The following DPYD variants were observed in gnomAD, a reference collection of about 807,000 sequenced individuals.
DPYD encodes dihydropyrimidine dehydrogenase [NADP(+)].
A neutral mutation model predicts 116.2 loss-of-function variants in DPYD; 109 were observed. The ratio of observed to expected loss-of-function variants is 0.94; its 90% CI spans 0.80 to 1.10. DPYD has a LOEUF of 1.10. Among genes scored for constraint, DPYD ranks in the 50% least tolerant of loss-of-function variants. The pLI is 0.00. For missense variants in DPYD, 1,302 were observed against 1,254.5 expected (o/e 1.04, Z -0.57); for synonymous variants, 440 against 432.0 (o/e 1.02, Z -0.23).
intron 20 of DPYD, among the ~76,000 whole-genome samples, chr1:97,126,942 T>G (rs1378290948): frequency 6.6e-6 from 1 of 152,196 alleles, no homozygotes. Flanking sequence ...TCAACAAATA[T>G]TTTTGAGTTG....
chr1:97,477,679 G>T (rs949299911), intron 13 of DPYD, among the ~76,000 whole-genome samples: 4 of 148,582 alleles, frequency 2.7e-5, no homozygotes, highest in South Asian at 2.1e-4. Context: ...GGACTGCAGT[G>T]GCGCAATCTC....
chr1:97,172,746 C>T (rs749538982), intron 20 of DPYD, among the ~76,000 whole-genome samples: 2 of 152,088 alleles, frequency 1.3e-5, no homozygotes, highest in African/African-American at 4.8e-5. Flanking sequence ...TGTGCCCTAT[C>T]GGGAGAAGGA....
intron 20 of DPYD, among the ~76,000 whole-genome samples, chr1:97,152,981 A>G (rs1178281581): frequency 1.3e-5 from 2 of 152,130 alleles, no homozygotes; most frequent in Non-Finnish European, 2.9e-5. Flanking sequence ...ACTTAAAAAC[A>G]CTAGAGGAGT....
chr1:97,350,254 T>G (rs1423235549), intron 16 of DPYD, among the ~76,000 whole-genome samples: 1 of 152,154 alleles, frequency 6.6e-6, no homozygotes, highest in Admixed American at 6.6e-5. Context: ...GAGGAACATA[T>G]TAAATACTCA....
In DPYD at chr1:97,765,242, G is replaced by T. The variant is rs968653872; in HGVS notation, c.234-24763C>A. Among the ~76,000 whole-genome samples, 3 of 152,112 alleles carry T rather than the reference G, an allele frequency of 2.0e-5. No individual in the cohort carries two copies. In the South Asian group the frequency reaches 6.2e-4, roughly 31 times the overall value. The stretch of plus-strand genomic sequence containing the variant: ...GTGGGAGTTGTTTATAGAGTTTTGG[G>T]GAAGGAAATGCTTTTCTATTTTATG... On this transcript the variant is annotated intron_variant, in intron 3 of 22. Transcript: ENST00000370192.
At chr1:97,088,406 G>T (rs1649670339) in intron 21 of DPYD, among the ~76,000 whole-genome samples, 1 of 152,092 alleles carries the variant, frequency 6.6e-6, no homozygotes, top group African/African-American at 2.4e-5. Flanking sequence ...CTCATTACTT[G>T]TCTCTCTTTT....
At chr1:97,506,298 T>C (rs1647326417) in intron 13 of DPYD, among the ~76,000 whole-genome samples, 1 of 151,700 alleles carries the variant, frequency 6.6e-6, no homozygotes, top group Non-Finnish European at 1.5e-5. Context: ...ATAAAGAAAA[T>C]ACAAAGGCAA....
At chr1:97,699,608 T>G in intron 5 of DPYD, 61 bp from the exon 6 acceptor site, 1 of 1,495,926 alleles carries the variant, frequency 6.7e-7, no homozygotes, top group African/African-American at 1.4e-5. Context: ...CTCAAACATA[T>G]TTTTAATGTT....
intron 14 of DPYD, among the ~76,000 whole-genome samples, chr1:97,423,208 C>A (rs1674678505): frequency 6.6e-6 from 1 of 152,094 alleles, no homozygotes; most frequent in South Asian, 2.1e-4. Flanking sequence ...AATGCTCCAG[C>A]TCTCCTATGC....
chr1:97,384,792 A>G (rs1672221466), intron 14 of DPYD, among the ~76,000 whole-genome samples: 2 of 152,156 alleles, frequency 1.3e-5, no homozygotes, highest in African/African-American at 4.8e-5. Flanking sequence ...AAATTCGCAG[A>G]CCATTAGTCA....
intron 5 of DPYD, chr1:97,720,461 G>T: frequency 2.0e-6 from 2 of 991,126 alleles, no homozygotes; most frequent in Non-Finnish European, 2.4e-6. Context: ...TTTTGAATTT[G>T]GTAAGAAAAG....
chr1:97,504,055 C>A (rs1057148711), intron 13 of DPYD, among the ~76,000 whole-genome samples: 2 of 151,818 alleles, frequency 1.3e-5, no homozygotes, highest in Admixed American at 1.3e-4. Flanking sequence ...AATATGGAAA[C>A]AAAATGTTAA....
At chr1:97,801,335 G>A (rs1324823056) in intron 3 of DPYD, among the ~76,000 whole-genome samples, 4 of 151,688 alleles carry the variant, frequency 2.6e-5, no homozygotes, top group East Asian at 1.9e-4. Flanking sequence ...TTGTTTAAGC[G>A]ATCCATTGAT....
intron 8 of DPYD, among the ~76,000 whole-genome samples, chr1:97,612,423 T>TG (rs1038489531): frequency 2.6e-5 from 4 of 152,060 alleles, no homozygotes; most frequent in African/African-American, 4.8e-5. Flanking sequence ...ACTTTACATA[T>TG]GGCTATCCAC....
intron 15 of DPYD, among the ~76,000 whole-genome samples, chr1:97,376,500 T>C (rs1356000659): frequency 6.6e-6 from 1 of 152,026 alleles, no homozygotes; most frequent in Admixed American, 6.6e-5. Context: ...AAACAGACAA[T>C]GCTGTTCAAG....
At chr1:97,861,208 G>A (rs1671099093) in intron 2 of DPYD, among the ~76,000 whole-genome samples, 1 of 151,868 alleles carries the variant, frequency 6.6e-6, no homozygotes, top group Non-Finnish European at 1.5e-5. Context: ...ATGGATAGTG[G>A]ATATCTTAAA....
At chr1:97,833,194 C>A (rs1232172144) in intron 2 of DPYD, among the ~76,000 whole-genome samples, 2 of 151,628 alleles carry the variant, frequency 1.3e-5, no homozygotes, top group African/African-American at 4.8e-5. Context: ...TGAAAAGTCA[C>A]AAAGAGTTAA....
chr1:97,399,908 A>G (rs547878702), intron 14 of DPYD, among the ~76,000 whole-genome samples: 42 of 152,276 alleles, frequency 2.8e-4, no homozygotes, highest in Middle Eastern at 6.8e-3. Context: ...GGACAATTTG[A>G]CTTACTCTTT....
chr1:97,894,030 T>C (rs1248536669), intron 1 of DPYD, among the ~76,000 whole-genome samples: 1 of 151,856 alleles, frequency 6.6e-6, no homozygotes, highest in African/African-American at 2.4e-5. Flanking sequence ...TTCAGGCTTT[T>C]ATAACAGAAT....
Sources: allele counts gnomAD v4.1 joint callset (sites outside exome capture counted in the v4.1 genomes callset), GRCh38; gene constraint gnomAD v4.1.1; transcripts MANE v1.5; gene names NCBI Gene and HGNC (gene_info 2026-07-23, HGNC 2026-07-21).